The following CAPS2 variants were observed in gnomAD, a reference collection of about 807,000 sequenced individuals.
CAPS2 encodes calcyphosin-2.
Under a neutral mutation model 86.5 loss-of-function variants are expected in CAPS2, and 98 were observed. The ratio of observed to expected loss-of-function variants is 1.13; its 90% CI spans 0.96 to 1.34. CAPS2 has a LOEUF of 1.34. CAPS2 is among the 40% of genes most tolerant of loss of function. The pLI is 0.00. For synonymous variants in CAPS2, 210 were observed against 225.1 expected (o/e 0.93, Z 0.60); for missense variants, 729 against 686.8 (o/e 1.06, Z -0.69).
chr12:75,355,659 T>C (rs2043108597), intron 1 of CAPS2, among the ~76,000 whole-genome samples: 1 of 152,124 alleles, frequency 6.6e-6, no homozygotes, highest in African/African-American at 2.4e-5. Context: ...ATTATTCTAT[T>C]ACAAAGATAA....
At chr12:75,317,943 T>G (rs1238885071) in intron 5 of CAPS2, among the ~76,000 whole-genome samples, 1 of 152,108 alleles carries the variant, frequency 6.6e-6, no homozygotes, top group Non-Finnish European at 1.5e-5. Flanking sequence ...CCTCAGAACT[T>G]ATTTATCTTA....
At chr12:75,322,408 C>G (rs1237550088) in intron 4 of CAPS2, among the ~76,000 whole-genome samples, 8 of 152,114 alleles carry the variant, frequency 5.3e-5, no homozygotes, top group African/African-American at 1.9e-4. Flanking sequence ...ATAGTCATGT[C>G]TAACCCACAG....
chr12:75,390,246 G>A lies in CAPS2; in HGVS notation c.-395+592C>T. 3 of 454,458 alleles carry A rather than the reference G, an allele frequency of 6.6e-6. 1 individual carries two copies. Among genetic ancestry groups the A allele is most frequent in the Admixed American group, 4.7e-5 (2 of 42,326 alleles). 28.2% of individuals were successfully genotyped at this position (454,458 alleles called of 1,614,324 possible). ...TGAGGAAAATGTTTGGAGGTAAACA[G>A]ATCAGACCAAAATCAGCTAGATATT... On this transcript the variant is annotated intron_variant, in intron 1 of 5. Coordinates refer to the CAPS2 transcript ENST00000551829.
At chr12:75,277,061 C>A, downstream of CAPS2, 3 of 984,566 alleles carry the variant, frequency 3.0e-6, no homozygotes, top group South Asian at 1.4e-4. Flanking sequence ...TACTGTGTCA[C>A]CAATTCTAAC....
chr12:75,327,535 G>A (rs2040895052), upstream of CAPS2, among the ~76,000 whole-genome samples: 1 of 151,694 alleles, frequency 6.6e-6, no homozygotes, highest in African/African-American at 2.4e-5. Context: ...TTTTTCTATA[G>A]TCTTAGATTT....
upstream of CAPS2, chr12:75,326,644 T>G (rs2040814936): frequency 5.1e-6 from 3 of 587,800 alleles, no homozygotes. Context: ...TCACTTCTAG[T>G]GCTTTTACCA....
chr12:75,317,766 CAAATT>C (rs1164461263), intron 5 of CAPS2, among the ~76,000 whole-genome samples: 1 of 152,018 alleles, frequency 6.6e-6, no homozygotes, highest in African/African-American at 2.4e-5. Context: ...TTATCACAAT[CAAATT>C]AATTAATACA....
chr12:75,376,079 T>C (rs2044632934), intron 1 of CAPS2, among the ~76,000 whole-genome samples: 2 of 152,198 alleles, frequency 1.3e-5, no homozygotes, highest in Admixed American at 1.3e-4. Flanking sequence ...TTTCAATCTC[T>C]CTAAGCCTTT....
chr12:75,325,907 G>A (rs1045179142), intron 1 of CAPS2, among the ~76,000 whole-genome samples: 13 of 152,102 alleles, frequency 8.5e-5, no homozygotes, highest in African/African-American at 3.1e-4. Flanking sequence ...GACAAAGAAA[G>A]TAACAAACAT....
At chr12:75,381,967 T>A (rs896332996) in intron 1 of CAPS2, among the ~76,000 whole-genome samples, 1 of 152,174 alleles carries the variant, frequency 6.6e-6, no homozygotes, top group Non-Finnish European at 1.5e-5. Context: ...CCTTGGACAT[T>A]TATCTAGCAA....
At chr12:75,294,946 C>T (rs2036632377) in intron 11 of CAPS2, 3 of 152,182 alleles carry the variant, frequency 2.0e-5, no homozygotes, top group Admixed American at 2.0e-4. Flanking sequence ...ATGGCTGATA[C>T]TTAAATAACC....
intron 1 of CAPS2, among the ~76,000 whole-genome samples, chr12:75,355,159 C>G (rs193278727): frequency 1.2e-3 from 187 of 152,272 alleles, no homozygotes; most frequent in Admixed American, 1.7e-3. Flanking sequence ...AACTTCTACA[C>G]AGCAAAAGAA....
At chr12:75,354,961 C>A (rs2043055936) in intron 1 of CAPS2, among the ~76,000 whole-genome samples, 1 of 152,170 alleles carries the variant, frequency 6.6e-6, no homozygotes, top group Non-Finnish European at 1.5e-5. Context: ...CTTCCTTACA[C>A]CTTATACAAA....
upstream of CAPS2, among the ~76,000 whole-genome samples, chr12:75,326,934 GT>G (rs1259390278): frequency 6.6e-6 from 1 of 152,108 alleles, no homozygotes; most frequent in African/African-American, 2.4e-5. Context: ...TCAGAGAGAG[GT>G]GAAGATGCTA....
At chr12:75,332,736 G>T (rs2041418281), upstream of CAPS2, among the ~76,000 whole-genome samples, 1 of 152,174 alleles carries the variant, frequency 6.6e-6, no homozygotes, top group Admixed American at 6.5e-5. Context: ...CAAGGTGCTA[G>T]AGATGTAGCA....
chr12:75,306,120 C>A, intron 7 of CAPS2: 2 of 1,219,996 alleles, frequency 1.6e-6, no homozygotes, highest in South Asian at 1.2e-5. Flanking sequence ...CTTCCACATT[C>A]GGGAACGTGC....
At chr12:75,367,484 A>G (rs1480937750) in intron 1 of CAPS2, among the ~76,000 whole-genome samples, 1 of 151,952 alleles carries the variant, frequency 6.6e-6, no homozygotes, top group Non-Finnish European at 1.5e-5. Context: ...ACAGGGTCAG[A>G]GTCATCAATA....
intron 1 of CAPS2, among the ~76,000 whole-genome samples, chr12:75,371,858 C>CGTG (rs1272046103): frequency 6.6e-6 from 1 of 152,146 alleles, no homozygotes; most frequent in Non-Finnish European, 1.5e-5. Flanking sequence ...CAACTGGTCA[C>CGTG]GTGGTTGTAT....
At chr12:75,389,769 A>C (rs757191702) in intron 1 of CAPS2, among the ~76,000 whole-genome samples, 10 of 152,168 alleles carry the variant, frequency 6.6e-5, no homozygotes, top group Non-Finnish European at 1.5e-4. Flanking sequence ...CTGCTCCTCC[A>C]CAAGAGTACC....
Sources: gnomAD v4.1 joint callset for allele counts (sites outside exome capture counted in the v4.1 genomes callset) on GRCh38, gnomAD v4.1.1 for gene constraint, MANE v1.5 for transcripts, NCBI Gene and HGNC (gene_info 2026-07-23, HGNC 2026-07-21) for gene names.